The following ARHGEF7 variants were observed in gnomAD, a reference collection of about 807,000 sequenced individuals.
The protein encoded by ARHGEF7 is Rho guanine nucleotide exchange factor 7.
A neutral mutation model predicts 109.8 loss-of-function variants in ARHGEF7; 33 were observed. The observed-to-expected ratio is 0.30, with a 90% CI of 0.23 to 0.40. The LOEUF is 0.40. Ranked by LOEUF, ARHGEF7 falls within the 10% of genes least tolerant of loss-of-function variation. The pLI is 1.00. For synonymous variants in ARHGEF7, 458 were observed against 424.6 expected (o/e 1.08, Z -0.97); for missense variants, 938 against 1,098.5 (o/e 0.85, Z 2.07).
intron 19 of ARHGEF7, chr13:111,293,513 T>C: frequency 2.0e-6 from 2 of 985,256 alleles, no homozygotes; most frequent in Non-Finnish European, 2.4e-6. Flanking sequence ...CTCAGACCAA[T>C]TTCTGCTTCA....
intron 2 of ARHGEF7, among the ~76,000 whole-genome samples, chr13:111,191,885 G>T (rs182084958): frequency 1.3e-5 from 2 of 152,174 alleles, no homozygotes; most frequent in Non-Finnish European, 1.5e-5. Context: ...TAGGATTTTC[G>T]TCCTAGCAGG....
At chr13:111,115,723 C>T (rs1450631404) in intron 1 of ARHGEF7, 32 bp downstream of exon 1, 10 of 1,125,108 alleles carry the variant, frequency 8.9e-6, no homozygotes, top group Non-Finnish European at 9.8e-6. Context: ...CGCCCGCGCC[C>T]CCCGGTCCGG....
Position 111,167,952 on chromosome 13 carries a change from GAAC to G in ARHGEF7, c.252+13963_252+13965del, listed in dbSNP as rs1209393069. Among the ~76,000 whole-genome samples, 422 of 152,310 alleles carry G rather than the reference GAAC, an allele frequency of 2.8e-3. 2 individuals carry two copies. The highest frequency in any genetic ancestry group is 9.0e-3 in the African/African-American group (372 of 41,562). ...GCCACCCCTTCCTCACAGGACACTT[GAAC>G]AGTAAAACTGAACCTTCTTGCTGTG... is the stretch of plus-strand genomic sequence containing the variant. On this transcript the variant is annotated intron_variant, in intron 2 of 21. Coordinates refer to ENST00000646102, the MANE Select transcript of ARHGEF7 (RefSeq NM_001354046.2).
chr13:111,205,401 G>T, intron 3 of ARHGEF7, 28 bp downstream of exon 3: 1 of 1,506,596 alleles, frequency 6.6e-7, no homozygotes, highest in South Asian at 1.3e-5. Context: ...TGAACTCGAG[G>T]GGGTGGGAAG....
At chr13:111,199,404 A>G (rs1190962215) in intron 2 of ARHGEF7, among the ~76,000 whole-genome samples, 2 of 152,124 alleles carry the variant, frequency 1.3e-5, no homozygotes, top group South Asian at 2.1e-4. Context: ...TGTCCTGGAA[A>G]CCACTGTGGA....
chr13:111,151,031 C>T (rs1253066615), intron 1 of ARHGEF7, among the ~76,000 whole-genome samples: 1 of 152,200 alleles, frequency 6.6e-6, no homozygotes, highest in African/African-American at 2.4e-5. Context: ...AGATTTTTCC[C>T]TTTAAGGGCT....
chr13:111,118,515 C>G (rs9555772), intron 1 of ARHGEF7, among the ~76,000 whole-genome samples: 19,496 of 152,170 alleles, frequency 0.13, 1,473 homozygotes, highest in East Asian at 0.22. Flanking sequence ...GGAGATCCTG[C>G]ACTTTGGTTT....
chr13:111,249,893 G>A (rs2089496159), intron 8 of ARHGEF7, among the ~76,000 whole-genome samples: 1 of 152,196 alleles, frequency 6.6e-6, no homozygotes, highest in African/African-American at 2.4e-5. Context: ...AGACAGTGTT[G>A]CACAGTTCAG....
intron 2 of ARHGEF7, among the ~76,000 whole-genome samples, chr13:111,157,830 A>T (rs1319246810): frequency 6.6e-6 from 1 of 152,198 alleles, no homozygotes; most frequent in South Asian, 2.1e-4. Flanking sequence ...TGAAAAGGTC[A>T]CAATGAATTA....
chr13:111,270,998 G>A (rs1400040227), intron 9 of ARHGEF7, among the ~76,000 whole-genome samples: 1 of 152,196 alleles, frequency 6.6e-6, no homozygotes, highest in Non-Finnish European at 1.5e-5. Flanking sequence ...CAGAGGGGCC[G>A]GCCATGCCAT....
intron 5 of ARHGEF7, among the ~76,000 whole-genome samples, chr13:111,221,208 T>G (rs60291943): frequency 1.2e-3 from 71 of 59,002 alleles, no homozygotes; most frequent in African/African-American, 1.5e-3. Context: ...TCTATATAGA[T>G]ATATATGTCT....
At chr13:111,205,012 G>GCCCCC (rs1197203435) in intron 2 of ARHGEF7, among the ~76,000 whole-genome samples, 3 of 151,068 alleles carry the variant, frequency 2.0e-5, no homozygotes, top group Non-Finnish European at 4.4e-5. Context: ...ACCCCGCCCC[G>GCCCCC]CCCCCGTGAA....
chr13:111,154,650 G>A (rs1386900045), intron 2 of ARHGEF7, among the ~76,000 whole-genome samples: 1 of 152,188 alleles, frequency 6.6e-6, no homozygotes, highest in Non-Finnish European at 1.5e-5. Flanking sequence ...AAAATGTTGT[G>A]TCACTTTACT....
At chr13:111,150,720 T>G (rs566018339) in intron 1 of ARHGEF7, among the ~76,000 whole-genome samples, 26 of 152,310 alleles carry the variant, frequency 1.7e-4, no homozygotes, top group Non-Finnish European at 3.2e-4. Context: ...CCTCACAAGC[T>G]TTACAATAAA....
At chr13:111,200,979 G>A (rs1389142753) in intron 2 of ARHGEF7, among the ~76,000 whole-genome samples, 4 of 152,132 alleles carry the variant, frequency 2.6e-5, no homozygotes, top group East Asian at 1.9e-4. Context: ...TCTTTGGCTC[G>A]GGGGGGATTT....
At chr13:111,300,365 T>C (rs185716555) in intron 19 of ARHGEF7, among the ~76,000 whole-genome samples, 2 of 152,364 alleles carry the variant, frequency 1.3e-5, no homozygotes, top group African/African-American at 2.4e-5. Flanking sequence ...TCACTGTATA[T>C]GTTCTGATTG....
chr13:111,291,073 TCA>T (rs2093261379), intron 18 of ARHGEF7, among the ~76,000 whole-genome samples: 1 of 152,252 alleles, frequency 6.6e-6, no homozygotes, highest in Non-Finnish European at 1.5e-5. Context: ...GTAACGGCCC[TCA>T]CAGTCTGTTA....
chr13:111,177,186 A>G (rs553058520), intron 2 of ARHGEF7, among the ~76,000 whole-genome samples: 53 of 152,276 alleles, frequency 3.5e-4, no homozygotes, highest in African/African-American at 1.2e-3. Flanking sequence ...GGAGAAACGG[A>G]GGTATTGAGA....
chr13:111,275,556 A>G lies in ARHGEF7; in HGVS notation c.1297A>G (p.Arg433Gly). The G allele has an allele frequency of 6.2e-7, 1 of 1,614,000 alleles. No homozygotes were observed. Among genetic ancestry groups the G allele is most frequent in the Middle Eastern group, 1.7e-4 (1 of 6,018 alleles). The change falls in exon 12 of 22, where the codon AGG becomes GGG. Residue 433 changes from arginine (R) to glycine (G), a missense_variant. Arg to Gly is a moderately radical substitution (Grantham distance 125). Transcript: ENST00000646102. ...LSAQCQEVRK[R>G]KELELQILTE... ...GGCCCAATGTCAAGAAGTCCGGAAG[A>G]GGAAAGAGCTTGAGCTGCAGATCCT...
Sources: gnomAD v4.1 joint callset for allele counts (sites outside exome capture counted in the v4.1 genomes callset) on GRCh38, gnomAD v4.1.1 for gene constraint, MANE v1.5 for transcripts, NCBI Gene and HGNC (gene_info 2026-07-23, HGNC 2026-07-21) for gene names.